The following CFAP70 variants were observed in gnomAD, a reference collection of about 807,000 sequenced individuals.
CFAP70 encodes the protein cilia- and flagella-associated protein 70.
A neutral mutation model predicts 137.6 loss-of-function variants in CFAP70; 81 were observed. The observed-to-expected ratio is 0.59, with a 90% CI of 0.49 to 0.71. The LOEUF (loss-of-function observed/expected upper bound fraction) is 0.71. CFAP70 is among the 30% of genes least tolerant of loss of function. CFAP70 has a pLI of 0.00. For synonymous variants in CFAP70, 382 were observed against 423.6 expected (o/e 0.90, Z 1.20); for missense variants, 976 against 1,226.7 (o/e 0.80, Z 3.05).
chr10:73,304,137 A>G (rs974097910), intron 12 of CFAP70, among the ~76,000 whole-genome samples: 1 of 151,918 alleles, frequency 6.6e-6, no homozygotes, highest in Non-Finnish European at 1.5e-5. Flanking sequence ...GCTCACTGCA[A>G]CCTCCACCTC....
At chr10:73,351,248 A>G (rs1454230395) in intron 3 of CFAP70, among the ~76,000 whole-genome samples, 1 of 149,220 alleles carries the variant, frequency 6.7e-6, no homozygotes, top group Non-Finnish European at 1.5e-5. Flanking sequence ...CCTCCTGAGT[A>G]GCTGGGACTA....
At chr10:73,316,491 T>TATATATATATATAGATATAGATATAG (rs1564831318) in intron 9 of CFAP70, among the ~76,000 whole-genome samples, 23 of 116,812 alleles carry the variant, frequency 2.0e-4, no homozygotes, top group East Asian at 3.7e-4. Context: ...GATATAGATA[T>TATATATATATATAGATATAGATATAG]ATATATATAT....
chr10:73,278,620 A>G (rs1264399584), intron 19 of CFAP70, among the ~76,000 whole-genome samples: 1 of 152,212 alleles, frequency 6.6e-6, no homozygotes, highest in African/African-American at 2.4e-5. Flanking sequence ...AAAAATAAAT[A>G]AATCTTTTTA....
chr10:73,304,026 T>C (rs1182474121), intron 12 of CFAP70, among the ~76,000 whole-genome samples: 1 of 152,136 alleles, frequency 6.6e-6, no homozygotes, highest in Non-Finnish European at 1.5e-5. Flanking sequence ...ATTTCTAGAT[T>C]ATTACTTTTA....
chr10:73,270,080 C>T (rs1322193542), intron 24 of CFAP70, among the ~76,000 whole-genome samples: 1 of 152,200 alleles, frequency 6.6e-6, no homozygotes, highest in Non-Finnish European at 1.5e-5. Flanking sequence ...AGTGATTTCT[C>T]CACACACAGT....
chr10:73,261,440 T>C (rs996299854), intron 25 of CFAP70, among the ~76,000 whole-genome samples: 1 of 152,200 alleles, frequency 6.6e-6, no homozygotes, highest in Non-Finnish European at 1.5e-5. Context: ...CTCACAATCA[T>C]GGTGGAAGGC....
chr10:73,277,267 A>T (rs767956045), exon 21 of CFAP70: 3 of 1,614,036 alleles, frequency 1.9e-6, no homozygotes, highest in Non-Finnish European at 2.5e-6. Context: ...TCATCAAGAA[A>T]TGTATGGTCT....
intron 20 of CFAP70, 96 bp from the exon 22 acceptor site, chr10:73,277,457 G>A (rs2046855071): frequency 8.0e-6 from 11 of 1,375,554 alleles, no homozygotes; most frequent in Non-Finnish European, 1.1e-5. Flanking sequence ...GCTCACGCCT[G>A]TAATCCCAGC....
chr10:73,311,911 C>G lies in CFAP70; in HGVS notation c.1087G>C (p.Ala363Pro), dbSNP rs199701402. The G allele has an allele frequency of 6.2e-6, 10 of 1,613,042 alleles. No homozygotes were observed. The highest frequency in any genetic ancestry group is 1.3e-5 in the African/African-American group (1 of 74,872). The change falls in exon 11 of 27, where the codon GCA becomes CCA. Residue 363 changes from alanine (A) to proline (P), a missense_variant. Coordinates refer to ENST00000310715, the Ensembl canonical transcript of CFAP70. ...GAGCTCTGAGATTTTATACTAGGTG[C>G]CTGCTGAAAGAAAATGAACACACCT...
intron 9 of CFAP70, among the ~76,000 whole-genome samples, chr10:73,320,318 AT>A (rs751194252): frequency 6.6e-6 from 1 of 151,222 alleles, no homozygotes; most frequent in South Asian, 2.1e-4. Flanking sequence ...CTTTTCTCTC[AT>A]TTTTTTTATT....
chr10:73,291,429 A>G, exon 19 of CFAP70: 2 of 1,614,120 alleles, frequency 1.2e-6, no homozygotes, highest in East Asian at 4.5e-5. Flanking sequence ...ATTGTTTTGA[A>G]TTTCATAGTA....
chr10:73,278,753 G>A (rs1161622712), intron 19 of CFAP70, among the ~76,000 whole-genome samples: 3 of 152,064 alleles, frequency 2.0e-5, no homozygotes, highest in African/African-American at 7.3e-5. Context: ...GGCCGAGGCA[G>A]GTGGATCACG....
chr10:73,321,132 C>A (rs1219814647), intron 9 of CFAP70, among the ~76,000 whole-genome samples: 1 of 151,882 alleles, frequency 6.6e-6, no homozygotes, highest in African/African-American at 2.4e-5. Context: ...AAAATAAATT[C>A]CTGGCCGGGC....
At chr10:73,278,621 A>C (rs2046981542) in intron 19 of CFAP70, among the ~76,000 whole-genome samples, 1 of 152,192 alleles carries the variant, frequency 6.6e-6, no homozygotes, top group Non-Finnish European at 1.5e-5. Context: ...AAAATAAATA[A>C]ATCTTTTTAT....
At chr10:73,361,821 G>C (rs937988607), upstream of CFAP70, among the ~76,000 whole-genome samples, 1 of 151,562 alleles carries the variant, frequency 6.6e-6, no homozygotes, top group African/African-American at 2.4e-5. Context: ...TTGATCTACA[G>C]ATTGAAAGCA....
Position 73,274,404 on chromosome 10 carries a change from G to A in CFAP70, c.2835+29C>T, listed in dbSNP as rs141452391. The A allele has an allele frequency of 1.1e-4, 180 of 1,583,028 alleles. 1 individual carries two copies. The African/African-American group carries it at 2.0e-3, about 18-fold the overall frequency. On this transcript the variant is annotated intron_variant, in intron 23 of 26. Transcript: ENST00000310715. The stretch of plus-strand genomic sequence containing the variant: ...GAATTACAATTAGTTCCCAGACCAC[G>A]GGGTTATTCCCCATTCTCTACCCCT...
chr10:73,350,644 G>C (rs537217997), intron 3 of CFAP70, among the ~76,000 whole-genome samples: 1 of 152,118 alleles, frequency 6.6e-6, no homozygotes, highest in South Asian at 2.1e-4. Flanking sequence ...GGTTTCTACA[G>C]TTGTGAAATA....
At chr10:73,273,797 GA>G (rs1197050083) in intron 23 of CFAP70, among the ~76,000 whole-genome samples, 1 of 152,178 alleles carries the variant, frequency 6.6e-6, no homozygotes. Context: ...GTTCTGACGG[GA>G]AAAATAGAAT....
At chr10:73,303,870 T>C (rs1340830184) in intron 12 of CFAP70, among the ~76,000 whole-genome samples, 1 of 152,180 alleles carries the variant, frequency 6.6e-6, no homozygotes, top group East Asian at 1.9e-4. Flanking sequence ...GTGGTCTCTT[T>C]TGTGACTAAT....
Sources: gnomAD v4.1 joint callset for allele counts (sites outside exome capture counted in the v4.1 genomes callset) on GRCh38, gnomAD v4.1.1 for gene constraint, MANE v1.5 for transcripts, NCBI Gene and HGNC (gene_info 2026-07-23, HGNC 2026-07-21) for gene names.